SLC1A2: variants seen among roughly 807,000 people sequenced by gnomAD.
The protein encoded by SLC1A2 is excitatory amino acid transporter 2.
In SLC1A2, 15 loss-of-function variants were observed where a neutral mutation model predicts 48.8. That is an observed-to-expected ratio of 0.31 (90% confidence interval 0.21 to 0.47). The LOEUF (loss-of-function observed/expected upper bound fraction) is 0.47, where lower values mean the gene tolerates loss of function less well. Ranked by LOEUF, SLC1A2 falls within the 20% of genes least tolerant of loss-of-function variation. The pLI is 0.99. For missense variants in SLC1A2, 502 were observed against 730.5 expected, an observed-to-expected ratio of 0.69 and a Z score of 3.61; for synonymous variants, 279 against 272.6, an observed-to-expected ratio of 1.02 and a Z score of -0.23.
At chr11:35,288,914 T>C (rs1850909140) in intron 7 of SLC1A2, among the ~76,000 whole-genome samples, 1 of 152,006 alleles carries the variant, frequency 6.6e-6, no homozygotes, top group East Asian at 1.9e-4. Flanking sequence ...TGGACAGGCT[T>C]TTTGTCTTAA....
intron 5 of SLC1A2, among the ~76,000 whole-genome samples, chr11:35,305,868 GC>G (rs1851484810): frequency 6.6e-6 from 1 of 152,124 alleles, no homozygotes; most frequent in Non-Finnish European, 1.5e-5. Context: ...GCTTCTTGCT[GC>G]CCTGTCCCCT....
chr11:35,317,312 G>T, intron 2 of SLC1A2, 65 bp downstream of exon 2: 1 of 1,549,232 alleles, frequency 6.5e-7, no homozygotes, highest in South Asian at 1.2e-5. Context: ...GAGACCAGCT[G>T]CCCCACAGAG....
chr11:35,412,051 A>AC (rs1037813798), intron 1 of SLC1A2, among the ~76,000 whole-genome samples: 2 of 151,660 alleles, frequency 1.3e-5, no homozygotes, highest in African/African-American at 4.8e-5. Context: ...GCAAAAAAAA[A>AC]AAACAAAACA....
intron 1 of SLC1A2, among the ~76,000 whole-genome samples, chr11:35,328,486 T>C (rs545907765): frequency 3.9e-5 from 6 of 152,178 alleles, no homozygotes; most frequent in Non-Finnish European, 1.5e-5. Context: ...TCAGCAACTT[T>C]TACTGAAGGA....
intron 9 of SLC1A2, among the ~76,000 whole-genome samples, chr11:35,278,413 T>C (rs1005245662): frequency 6.6e-5 from 10 of 151,896 alleles, no homozygotes; most frequent in African/African-American, 2.2e-4. Flanking sequence ...GTAGCTGGGA[T>C]TACGGGCATA....
At chr11:35,336,510 GA>G (rs779007787) in intron 1 of SLC1A2, among the ~76,000 whole-genome samples, 5 of 152,140 alleles carry the variant, frequency 3.3e-5, no homozygotes, top group Non-Finnish European at 5.9e-5. Flanking sequence ...CTAGCTCTGA[GA>G]TAAGTGGTTT....
chr11:35,311,452 G>A (rs779991206), intron 4 of SLC1A2, among the ~76,000 whole-genome samples: 1 of 152,098 alleles, frequency 6.6e-6, no homozygotes, highest in Non-Finnish European at 1.5e-5. Flanking sequence ...GAGCCACCAC[G>A]CCCAGCCAGG....
intron 8 of SLC1A2, chr11:35,286,111 T>C (rs962618463): frequency 6.6e-6 from 1 of 152,236 alleles, no homozygotes; most frequent in African/African-American, 2.4e-5. Context: ...GGTGAGGCAA[T>C]GCATTTTTAA....
intron 9 of SLC1A2, among the ~76,000 whole-genome samples, chr11:35,280,090 G>T (rs1391623939): frequency 6.6e-6 from 1 of 152,186 alleles, no homozygotes; most frequent in Non-Finnish European, 1.5e-5. Flanking sequence ...CACTCCCAAA[G>T]GTTTCCTTGT....
intron 4 of SLC1A2, among the ~76,000 whole-genome samples, chr11:35,309,715 GTC>G (rs5791047): frequency 0.2 from 29,994 of 152,142 alleles, 3,445 homozygotes; most frequent in Admixed American, 0.27. Context: ...CACAGAAGAT[GTC>G]TCTCACGCAC....
intron 9 of SLC1A2, among the ~76,000 whole-genome samples, chr11:35,271,203 T>G (rs769420993): frequency 6.6e-6 from 1 of 152,120 alleles, no homozygotes; most frequent in Non-Finnish European, 1.5e-5. Context: ...GCGGGAAAGA[T>G]TCTGGCTTTG....
At chr11:35,289,648 A>T (rs1850932010) in intron 7 of SLC1A2, among the ~76,000 whole-genome samples, 1 of 152,240 alleles carries the variant, frequency 6.6e-6, no homozygotes, top group Admixed American at 6.5e-5. Context: ...TTTTTGAAAT[A>T]GTTGAAAGAT....
intron 1 of SLC1A2, among the ~76,000 whole-genome samples, chr11:35,356,223 G>GT (rs1853456558): frequency 6.6e-6 from 1 of 152,146 alleles, no homozygotes; most frequent in African/African-American, 2.4e-5. Context: ...ACCCCATGAT[G>GT]TTTTTTTCCA....
chr11:35,286,795 A>G lies in SLC1A2; in HGVS notation c.1248T>C (p.Asn416=), dbSNP rs754348194. The G allele has an allele frequency of 5.6e-6, 9 of 1,613,536 alleles. No homozygotes were observed. The highest frequency in any genetic ancestry group is 7.6e-6 in the Non-Finnish European group (9 of 1,179,742). ...AVAAIFIAQM[N]GVVLDGGQIV... ...TCTGTCCTCCATCCAGGACAACACC[A>G]TTCATTTGGGCTATAAAGATGGCGG... Residue 416 remains asparagine (N), a synonymous_variant, in exon 8 of 11, where the codon AAT becomes AAC. Transcript: ENST00000278379.
At chr11:35,375,651 C>T (rs949596874) in intron 1 of SLC1A2, among the ~76,000 whole-genome samples, 19 of 152,308 alleles carry the variant, frequency 1.2e-4, no homozygotes, top group East Asian at 3.9e-4. Flanking sequence ...ACCCCAGGTC[C>T]TTGCTGCAAA....
chr11:35,276,947 T>C (rs1850459515), intron 9 of SLC1A2, among the ~76,000 whole-genome samples: 1 of 152,178 alleles, frequency 6.6e-6, no homozygotes, highest in Admixed American at 6.5e-5. Context: ...TTCTGGAGGT[T>C]GGGAAATCCA....
intron 1 of SLC1A2, chr11:35,404,320 C>T (rs1855221874): frequency 6.6e-6 from 1 of 152,326 alleles, no homozygotes; most frequent in African/African-American, 2.4e-5. Flanking sequence ...TGAACATACC[C>T]AAGCTCCGGA....
chr11:35,406,688 AC>A (rs1855305982), intron 1 of SLC1A2, among the ~76,000 whole-genome samples: 1 of 152,164 alleles, frequency 6.6e-6, no homozygotes, highest in Admixed American at 6.5e-5. Context: ...GAATCTCTAA[AC>A]AGATAGAATT....
chr11:35,392,094 T>C (rs1473157654), intron 1 of SLC1A2, among the ~76,000 whole-genome samples: 1 of 152,182 alleles, frequency 6.6e-6, no homozygotes, highest in Non-Finnish European at 1.5e-5. Context: ...ACCCTTATCG[T>C]CCCATTCCAT....
Sources: allele counts gnomAD v4.1 joint callset (sites outside exome capture counted in the v4.1 genomes callset), GRCh38; gene constraint gnomAD v4.1.1; transcripts MANE v1.5; gene names NCBI Gene and HGNC (gene_info 2026-07-23, HGNC 2026-07-21).